The following DENND4A variants were observed in gnomAD, a reference collection of about 807,000 sequenced individuals.
DENND4A encodes the protein C-myc promoter-binding protein.
Under a neutral mutation model 199.3 loss-of-function variants are expected in DENND4A, and 70 were observed. The observed-to-expected ratio is 0.35, with a 90% CI of 0.29 to 0.43. The LOEUF is 0.43. Ranked by LOEUF, DENND4A falls within the 20% of genes least tolerant of loss-of-function variation. DENND4A has a pLI of 1.00. For missense variants in DENND4A, 1,723 were observed against 2,255.8 expected, an observed-to-expected ratio of 0.76 and a Z score of 4.78; for synonymous variants, 686 against 766.9, an observed-to-expected ratio of 0.89 and a Z score of 1.74.
chr15:65,756,202 C>T lies in DENND4A; in HGVS notation c.249G>A (p.Val83=), dbSNP rs760647013. ...TATAGCAAAGGTAAATCTGTGGCCCCACAAGACTTCCATTATTAAGATCAG... is the reference window on the plus strand; with the variant it reads ...TATAGCAAAGGTAAATCTGTGGCCCTACAAGACTTCCATTATTAAGATCAG... ...LSADLNNGSL[V]GPQIYLCYRR... is the part of the protein sequence containing the mutation. Residue 83 remains valine (V), a synonymous_variant, in exon 3 of 33, where the codon GTG becomes GTA. Coordinates refer to ENST00000443035, the MANE Select transcript of DENND4A (RefSeq NM_001320835.1). The T allele has an allele frequency of 6.2e-7, 1 of 1,611,546 alleles. No homozygotes were observed. The highest frequency in any genetic ancestry group is 8.5e-7 in the Non-Finnish European group (1 of 1,178,716).
rs759726815 is a variant in DENND4A, at chr15:65,690,736, T to C, written c.3858A>G (p.Pro1286=). 1.2e-6 allele frequency: 2 copies of C among 1,613,584 alleles called. No individual in the cohort carries two copies. Among genetic ancestry groups the C allele is most frequent in the Non-Finnish European group, 1.7e-6 (2 of 1,179,772 alleles). The change falls in exon 23 of 33, where the codon CCA becomes CCG. Residue 1286 remains proline (P), a synonymous_variant. Transcript: ENST00000443035. The part of the protein sequence containing the change: ...CDDKLNKKSP[P]LVKACRRSSL... ...TAGATCTTCTGCATGCCTTGACCAATGGTGGACTTTTCTTATTTAATTTAT... is the reference window on the plus strand; with the variant it reads ...TAGATCTTCTGCATGCCTTGACCAACGGTGGACTTTTCTTATTTAATTTAT...
Position 65,729,754 on chromosome 15 carries a change from G to A in DENND4A, c.1167-76C>T, listed in dbSNP as rs578146087. The A allele has an allele frequency of 6.2e-5, 84 of 1,347,766 alleles. 1 individual carries two copies. In the South Asian group the frequency reaches 1.1e-3, roughly 18 times the overall value. The allele number at this position is 1,347,766 out of a possible 1,614,324, so 83.5% of individuals were successfully genotyped here. A position where few individuals can be genotyped will look rare whatever the true frequency, so the allele number is the denominator to read the frequency against. On this transcript the variant is annotated intron_variant, in intron 9 of 32. Coordinates refer to ENST00000443035, the MANE Select transcript of DENND4A (RefSeq NM_001320835.1). ...TCATTATCTAAAACAATGGGCAAAA[G>A]TAGTTGATTAGAGTAGGATTTGTAT...
intron 1 of DENND4A, among the ~76,000 whole-genome samples, chr15:65,770,978 C>G (rs1267767092): frequency 6.6e-6 from 1 of 152,130 alleles, no homozygotes; most frequent in Non-Finnish European, 1.5e-5. Flanking sequence ...AGAAGCGTAA[C>G]TAAAATATTC....
chr15:65,759,780 T>C (rs2076806567), intron 2 of DENND4A, among the ~76,000 whole-genome samples: 1 of 152,228 alleles, frequency 6.6e-6, no homozygotes, highest in Admixed American at 6.5e-5. Flanking sequence ...AGTTGCAGAA[T>C]AACAAAAGGA....
At chr15:65,775,324 G>A (rs1194298747) in intron 1 of DENND4A, among the ~76,000 whole-genome samples, 1 of 145,184 alleles carries the variant, frequency 6.9e-6, no homozygotes, top group Admixed American at 6.9e-5. Flanking sequence ...CCAGCCTGGG[G>A]GACAGAGCCA....
chr15:65,710,440 C>T (rs1193068698), intron 14 of DENND4A, among the ~76,000 whole-genome samples: 1 of 152,242 alleles, frequency 6.6e-6, no homozygotes, highest in East Asian at 1.9e-4. Flanking sequence ...AAGGTTTGCA[C>T]AAGGAACAAT....
intron 3 of DENND4A, 90 bp from the exon 4 acceptor site, chr15:65,752,718 A>C: frequency 1.3e-6 from 1 of 795,602 alleles, no homozygotes; most frequent in Non-Finnish European, 1.9e-6. Context: ...CCTTAAATGT[A>C]GTAGCATGGT....
At chr15:65,777,628 T>C (rs2077317972) in intron 1 of DENND4A, among the ~76,000 whole-genome samples, 2 of 152,096 alleles carry the variant, frequency 1.3e-5, no homozygotes, top group Non-Finnish European at 2.9e-5. Context: ...ACTAGCATTA[T>C]GGGTGTGAGC....
intron 1 of DENND4A, among the ~76,000 whole-genome samples, chr15:65,788,053 A>G (rs1327593639): frequency 6.6e-6 from 1 of 152,106 alleles, no homozygotes; most frequent in African/African-American, 2.4e-5. Flanking sequence ...AAACTATTAC[A>G]AGGTTAGTGC....
At chr15:65,771,528 C>T (rs986194867) in intron 1 of DENND4A, 9 of 1,611,716 alleles carry the variant, frequency 5.6e-6, no homozygotes, top group Non-Finnish European at 5.9e-6. Context: ...AATAATGACA[C>T]GAGGATCAAT....
intron 4 of DENND4A, among the ~76,000 whole-genome samples, chr15:65,746,830 TGGGAGGCCGA>T (rs2076412807): frequency 6.6e-6 from 1 of 150,958 alleles, no homozygotes; most frequent in Non-Finnish European, 1.5e-5. Context: ...CCCAGCACTT[TGGGAGGCCGA>T]GGCAGGCGGA....
Position 65,738,745 on chromosome 15 carries a change from T to C in DENND4A, c.762A>G (p.Val254=). ...WPSNSKYPLP[V]FSTFVLTGAS... is the part of the protein sequence containing the mutation. ...CTCCAGTTAAAACAAAAGTAGAAAA[T>C]ACAGGCAGAGGGTATTTGCTATTTG... The change falls in exon 6 of 33, where the codon GTA becomes GTG. Residue 254 remains valine (V), a synonymous_variant. Coordinates refer to ENST00000443035, the MANE Select transcript of DENND4A (RefSeq NM_001320835.1). 6.2e-7 allele frequency: 1 copy of C among 1,611,832 alleles called. No individual in the cohort carries two copies. The highest frequency in any genetic ancestry group is 1.1e-5 in the South Asian group (1 of 90,640).
chr15:65,698,160 T>C (rs1394555660), intron 20 of DENND4A, among the ~76,000 whole-genome samples: 4 of 152,080 alleles, frequency 2.6e-5, no homozygotes, highest in Non-Finnish European at 5.9e-5. Flanking sequence ...GGGAGGCTTC[T>C]TGGGAGGCTG....
intron 20 of DENND4A, among the ~76,000 whole-genome samples, chr15:65,698,222 T>C (rs1034876915): frequency 6.6e-6 from 1 of 152,112 alleles, no homozygotes; most frequent in Admixed American, 6.6e-5. Context: ...TGAACTATGA[T>C]TGCACCCCTG....
At chr15:65,692,647 A>T (rs1265393776) in intron 22 of DENND4A, among the ~76,000 whole-genome samples, 2 of 152,220 alleles carry the variant, frequency 1.3e-5, no homozygotes, top group African/African-American at 4.8e-5. Flanking sequence ...GAAAAATGAC[A>T]TATCAGAGAG....
intron 23 of DENND4A, among the ~76,000 whole-genome samples, chr15:65,678,685 A>G (rs554828891): frequency 5.9e-5 from 9 of 152,176 alleles, no homozygotes; most frequent in Admixed American, 3.3e-4. Flanking sequence ...CTTTTACAAC[A>G]TTTTTATCTA....
At chr15:65,720,950 TATATA>T (rs2075609552) in intron 12 of DENND4A, among the ~76,000 whole-genome samples, 8 of 30,348 alleles carry the variant, frequency 2.6e-4, no homozygotes, top group Admixed American at 6.1e-4. Flanking sequence ...TCATTGATTA[TATATA>T]TATATATATA....
chr15:65,760,907 A>C (rs553235124), intron 2 of DENND4A, among the ~76,000 whole-genome samples: 1 of 152,300 alleles, frequency 6.6e-6, no homozygotes, highest in East Asian at 1.9e-4. Context: ...AAGCGGAAAC[A>C]GAAGAGATAT....
At chr15:65,665,827 T>C (rs2076017611) in intron 29 of DENND4A, among the ~76,000 whole-genome samples, 1 of 152,178 alleles carries the variant, frequency 6.6e-6, no homozygotes, top group Non-Finnish European at 1.5e-5. Flanking sequence ...TTGTCACTCA[T>C]GTATGATGTA....
Sources: gnomAD v4.1 joint callset for allele counts (sites outside exome capture counted in the v4.1 genomes callset) on GRCh38, gnomAD v4.1.1 for gene constraint, MANE v1.5 for transcripts, NCBI Gene and HGNC (gene_info 2026-07-23, HGNC 2026-07-21) for gene names.